Variants in IFT80 observed in about 807,000 individuals in gnomAD.
IFT80 encodes intraflagellar transport protein 80 homolog.
Under a neutral mutation model 107.9 loss-of-function variants are expected in IFT80, and 79 were observed. That is an observed-to-expected ratio of 0.73 (90% CI 0.61 to 0.88). The LOEUF (loss-of-function observed/expected upper bound fraction) is 0.88. Among genes scored for constraint, IFT80 ranks in the 40% least tolerant of loss-of-function variants. The pLI is 0.00. For synonymous variants in IFT80, 299 were observed against 300.9 expected (o/e 0.99, Z 0.07); for missense variants, 797 against 914.2 (o/e 0.87, Z 1.65).
intron 6 of IFT80, 91 bp from the exon 7 acceptor site, chr3:160,357,669 C>CAAAGGAG: frequency 1.3e-6 from 1 of 755,824 alleles, no homozygotes; most frequent in Non-Finnish European, 2.3e-6. Flanking sequence ...TTTCTAATGA[C>CAAAGGAG]TCCTTTGTCA....
chr3:160,327,179 CACAA>C (rs1559941726), intron 8 of IFT80, among the ~76,000 whole-genome samples: 1 of 151,982 alleles, frequency 6.6e-6, no homozygotes, highest in Non-Finnish European at 1.5e-5. Context: ...TCATAGATGA[CACAA>C]ACAAATGGAA....
chr3:160,344,185 T>C (rs1576840473), intron 8 of IFT80, among the ~76,000 whole-genome samples: 1 of 152,202 alleles, frequency 6.6e-6, no homozygotes, highest in Admixed American at 6.5e-5. Flanking sequence ...TCTGGGGGTA[T>C]GTACCCTTCT....
chr3:160,393,977 T>C (rs1468326836), intron 1 of IFT80, among the ~76,000 whole-genome samples: 1 of 151,852 alleles, frequency 6.6e-6, no homozygotes, highest in Non-Finnish European at 1.5e-5. Context: ...AGAAGTACAG[T>C]TTTTATCAAC....
At chr3:160,383,120 T>G (rs541984903) in intron 2 of IFT80, among the ~76,000 whole-genome samples, 28 of 152,334 alleles carry the variant, frequency 1.8e-4, no homozygotes, top group Admixed American at 1.5e-3. Context: ...CATTAGCTTA[T>G]CCTTATATAA....
At position 160,389,042 on chromosome 3, in the gene IFT80, A is replaced by C. The variant is rs111254423; in HGVS notation, c.-46-4396T>G. ...CATCTACAGAGTTGTAATATAATAG[A>C]GTTGGGTATTTAAAGCCCTTTAATT... On this transcript the variant is annotated intron_variant, in intron 1 of 19. Coordinates refer to ENST00000326448, the MANE Select transcript of IFT80 (RefSeq NM_020800.3). 1.7e-3 allele frequency among the ~76,000 whole-genome samples: 260 copies of C among 152,330 alleles called. 1 individual carries two copies. The highest frequency in any genetic ancestry group is 5.8e-3 in the African/African-American group (240 of 41,572).
intron 8 of IFT80, among the ~76,000 whole-genome samples, chr3:160,351,125 C>A (rs1003331366): frequency 6.6e-6 from 1 of 151,770 alleles, no homozygotes; most frequent in East Asian, 1.9e-4. Flanking sequence ...CCAGACATAA[C>A]CATTGTTAAA....
chr3:160,285,790 T>C lies in IFT80; in HGVS notation c.1380+14A>G. ...TAGTGGCTATTTACATTAGAAGTAG[T>C]TAATGTCCATTACCTTATGAGAAAG... is the stretch of plus-strand genomic sequence containing the variant. On this transcript the variant is annotated intron_variant, in intron 13 of 19. Transcript: ENST00000326448. 6.5e-7 allele frequency: 1 copy of C among 1,533,758 alleles called. No homozygotes were observed. Among genetic ancestry groups the C allele is most frequent in the Non-Finnish European group, 9.0e-7 (1 of 1,109,130 alleles).
rs1267140256 is a variant in IFT80 at position 160,258,173 on chromosome 3, A to G, written c.*352T>C. The G allele has an allele frequency of 1.2e-5, 3 of 243,168 alleles. No individual in the cohort carries two copies. Among genetic ancestry groups the G allele is most frequent in the African/African-American group, 6.9e-5 (3 of 43,586 alleles). The allele number at this position is 243,168 out of a possible 1,614,324, so 15.1% of individuals were successfully genotyped here. On this transcript the variant is annotated 3_prime_UTR_variant, in exon 20 of 20. Transcript: ENST00000326448. The stretch of plus-strand genomic sequence containing the variant: ...AGAGGTCAAATAGAAATTAATGGTA[A>G]CATACATTTCAAAGAGTCCAATGTT...
intron 2 of IFT80, among the ~76,000 whole-genome samples, chr3:160,382,091 G>T (rs1330445477): frequency 6.6e-6 from 1 of 152,156 alleles, no homozygotes; most frequent in Non-Finnish European, 1.5e-5. Context: ...TTGGGGGATA[G>T]GTAGGGAGCA....
chr3:160,369,460 A>G lies in IFT80; in HGVS notation c.440-3308T>C, dbSNP rs577038487. Among the ~76,000 whole-genome samples, 18 of 152,056 alleles carry G rather than the reference A, an allele frequency of 1.2e-4. No homozygotes were observed. In the South Asian group the frequency reaches 3.5e-3, roughly 30 times the overall value. On this transcript the variant is annotated intron_variant, in intron 5 of 19. Transcript: ENST00000326448. ...TTAAGCATTAAACTACTGTACATATAAACATTTTCTTTTCTAAAAGGAAAT... is the reference window on the plus strand; with the variant it reads ...TTAAGCATTAAACTACTGTACATATGAACATTTTCTTTTCTAAAAGGAAAT...
At chr3:160,356,646 A>C (rs1721112809) in intron 7 of IFT80, among the ~76,000 whole-genome samples, 1 of 152,110 alleles carries the variant, frequency 6.6e-6, no homozygotes. Context: ...TTAGCCTTCC[A>C]AATAAGCAAG....
At chr3:160,380,808 A>C (rs907319766) in intron 3 of IFT80, among the ~76,000 whole-genome samples, 13 of 152,206 alleles carry the variant, frequency 8.5e-5, no homozygotes, top group East Asian at 3.8e-4. Context: ...CTGGAAAATA[A>C]AGTATGTATT....
chr3:160,331,877 G>C (rs1203728092), intron 8 of IFT80, among the ~76,000 whole-genome samples: 1 of 151,980 alleles, frequency 6.6e-6, no homozygotes, highest in East Asian at 1.9e-4. Flanking sequence ...GGCTGCTCTT[G>C]AACTCTTGAG....
At chr3:160,375,755 A>T in intron 5 of IFT80, 57 bp downstream of exon 5, 2 of 1,179,782 alleles carry the variant, frequency 1.7e-6, no homozygotes, top group Non-Finnish European at 2.5e-6. Flanking sequence ...GGAAAACTTT[A>T]AGGCATTTTT....
intron 8 of IFT80, among the ~76,000 whole-genome samples, chr3:160,354,496 CA>C (rs962165068): frequency 1.3e-5 from 2 of 151,520 alleles, no homozygotes; most frequent in African/African-American, 2.4e-5. Context: ...AAAAACACAC[CA>C]AAAAAACTAG....
intron 8 of IFT80, among the ~76,000 whole-genome samples, chr3:160,333,547 T>C (rs1160098271): frequency 6.6e-6 from 1 of 152,226 alleles, no homozygotes; most frequent in African/African-American, 2.4e-5. Flanking sequence ...TGTTTTGTTT[T>C]TTACTTTTTA....
chr3:160,382,713 C>G (rs968700038), intron 2 of IFT80, among the ~76,000 whole-genome samples: 1 of 152,118 alleles, frequency 6.6e-6, no homozygotes, highest in Non-Finnish European at 1.5e-5. Flanking sequence ...TTATTTCCTT[C>G]TTTTCTCACC....
chr3:160,257,349 CA>C lies in IFT80; in HGVS notation c.*1175del. The stretch of plus-strand genomic sequence containing the variant: ...AATCCCATATCTATGCATCTATACC[CA>C]CCCTATAATGTACCATTTTCAGAAA... On this transcript the variant is annotated 3_prime_UTR_variant, in exon 20 of 20. Coordinates refer to ENST00000326448, the MANE Select transcript of IFT80 (RefSeq NM_020800.3). 6.6e-6 allele frequency: 1 copy of C among 152,146 alleles called. No homozygotes were observed. The highest frequency in any genetic ancestry group is 1.9e-4 in the East Asian group (1 of 5,168). 9.4% of individuals were successfully genotyped at this position (152,146 alleles called of 1,614,324 possible).
chr3:160,352,546 G>C (rs1720790308), intron 8 of IFT80, among the ~76,000 whole-genome samples: 2 of 152,022 alleles, frequency 1.3e-5, no homozygotes, highest in Non-Finnish European at 2.9e-5. Context: ...AGGACAGCCT[G>C]CATAAAGACA....
Sources: allele counts gnomAD v4.1 joint callset (sites outside exome capture counted in the v4.1 genomes callset), GRCh38; gene constraint gnomAD v4.1.1; transcripts MANE v1.5; gene names NCBI Gene and HGNC (gene_info 2026-07-23, HGNC 2026-07-21).